The following DIABLO variants were observed in gnomAD, a reference collection of about 807,000 sequenced individuals.
DIABLO encodes the protein diablo homolog, mitochondrial.
In DIABLO, 32 loss-of-function variants were observed where a neutral mutation model predicts 31.7. The observed-to-expected ratio is 1.01, with a 90% CI of 0.76 to 1.35. The LOEUF (loss-of-function observed/expected upper bound fraction) is 1.35, where lower values mean the gene tolerates loss of function less well. Among genes scored for constraint, DIABLO ranks in the 40% most tolerant of loss-of-function variants. The pLI is 0.00. For missense variants in DIABLO, 316 were observed against 286.4 expected (o/e 1.10, Z -0.75); for synonymous variants, 132 against 103.2 (o/e 1.28, Z -1.69).
rs754662252 is a variant in DIABLO at position 122,223,306 on chromosome 12, A to G, written c.183+1206T>C. Among the ~76,000 whole-genome samples, 5 of 151,578 alleles carry G rather than the reference A, an allele frequency of 3.3e-5. 1 individual carries two copies. In the South Asian group the frequency reaches 6.2e-4, roughly 19 times the overall value. ...AAAAACTAGCTGGGTGCGGTGGCAC[A>G]CCCCTGTAATCCCAGCTACCCGGAG... On this transcript the variant is annotated intron_variant, in intron 2 of 5. Transcript: ENST00000464942.
At chr12:122,224,103 C>A (rs1954392995) in intron 2 of DIABLO, among the ~76,000 whole-genome samples, 1 of 152,168 alleles carries the variant, frequency 6.6e-6, no homozygotes, top group African/African-American at 2.4e-5. Context: ...TGTTTTCTTC[C>A]CACCATTTAT....
intron 2 of DIABLO, among the ~76,000 whole-genome samples, chr12:122,219,949 A>T (rs1425567233): frequency 1.4e-4 from 20 of 142,600 alleles, no homozygotes; most frequent in African/African-American, 3.1e-4. Context: ...CGGTTATTTT[A>T]TTTTTTTTTT....
Position 122,208,988 on chromosome 12 carries a change from T to C in DIABLO, c.524-411A>G, listed in dbSNP as rs367664623. ...TAATCTTTAAAGGTAAAGGAATGCA[T>C]AGAAAAATATTTTTTTACTATAAAT... On this transcript the variant is annotated intron_variant, in intron 5 of 5. Transcript: ENST00000464942. 3.1e-3 allele frequency: 1,043 copies of C among 333,722 alleles called. 25 individuals carry two copies. Among genetic ancestry groups the C allele is most frequent in the South Asian group, 0.025 (1,020 of 40,912 alleles). The allele number at this position is 333,722 out of a possible 1,614,324, so 20.7% of individuals were successfully genotyped here.
chr12:122,225,647 CT>C, intron 1 of DIABLO: 1 of 1,327,886 alleles, frequency 7.5e-7, no homozygotes, highest in Non-Finnish European at 9.7e-7. Flanking sequence ...CGTGTCCCTC[CT>C]CCTCTCCACG....
chr12:122,212,013 TA>T (rs66916288), intron 5 of DIABLO, among the ~76,000 whole-genome samples: 4 of 151,514 alleles, frequency 2.6e-5, no homozygotes, highest in African/African-American at 9.7e-5. Context: ...TTTTTTTTTT[TA>T]AATTACAGAT....
At chr12:122,218,523 C>A (rs1159694201) in intron 2 of DIABLO, 126 bp from the exon 3 acceptor site, 1 of 1,251,264 alleles carries the variant, frequency 8.0e-7, no homozygotes, top group African/African-American at 1.5e-5. Context: ...CACTATATTT[C>A]TTTGGGTTAT....
At chr12:122,227,439 T>C, upstream of DIABLO, 1 of 454,178 alleles carries the variant, frequency 2.2e-6, no homozygotes, top group Non-Finnish European at 4.4e-6. Context: ...GTGTGTATTC[T>C]GCGATCTCGG....
chr12:122,215,381 C>T (rs953685957), intron 5 of DIABLO, among the ~76,000 whole-genome samples: 1 of 151,354 alleles, frequency 6.6e-6, no homozygotes, highest in Non-Finnish European at 1.5e-5. Context: ...GAGTTCAAGA[C>T]CAGCCTGGCC....
chr12:122,221,819 G>C (rs1043987447), intron 2 of DIABLO: 1 of 152,056 alleles, frequency 6.6e-6, no homozygotes, highest in Non-Finnish European at 1.5e-5. Context: ...AACTGAGAAA[G>C]GACAAACCTA....
intron 5 of DIABLO, among the ~76,000 whole-genome samples, chr12:122,213,065 C>T (rs1378404842): frequency 1.3e-5 from 2 of 152,138 alleles, no homozygotes; most frequent in Non-Finnish European, 2.9e-5. Context: ...GGACTACAGG[C>T]GCCCATCACC....
At chr12:122,215,539 G>A (rs1954189474) in intron 5 of DIABLO, among the ~76,000 whole-genome samples, 2 of 152,242 alleles carry the variant, frequency 1.3e-5, no homozygotes, top group African/African-American at 2.4e-5. Flanking sequence ...AGGAGGTGGA[G>A]GTTGCAGTGA....
chr12:122,212,189 A>G (rs984510350), intron 5 of DIABLO, among the ~76,000 whole-genome samples: 11 of 152,004 alleles, frequency 7.2e-5, no homozygotes. Flanking sequence ...TCCTGCCTCA[A>G]CTGGAGCTAC....
upstream of DIABLO, chr12:122,226,359 A>C (rs1566031578): frequency 2.3e-5 from 10 of 435,358 alleles, no homozygotes; most frequent in African/African-American, 8.0e-5. Flanking sequence ...TTTCCTGGTG[A>C]GTTAGGGAGG....
At chr12:122,226,119 G>A (rs753303216), upstream of DIABLO, 2 of 1,481,924 alleles carry the variant, frequency 1.3e-6, no homozygotes, top group South Asian at 1.2e-5. Flanking sequence ...CCATAGCCAC[G>A]CCCCCACCCA....
chr12:122,224,512 C>T lies in DIABLO; in HGVS notation c.183G>A (p.Gln61=). ...GVTLCAVPIA[Q]KSEPHSLSSE... is the part of the protein sequence containing the mutation. The stretch of plus-strand genomic sequence containing the variant: ...TAAGAATCACTGCACACGACAGTAC[C>T]TGTGCAATAGGAACCGCACACAGGG... Residue 61 remains glutamine (Q), a splice_region_variant and synonymous_variant, in exon 2 of 6, where the codon CAG becomes CAA. Transcript: ENST00000464942. 1.2e-6 allele frequency: 2 copies of T among 1,613,740 alleles called. No individual in the cohort carries two copies. Among genetic ancestry groups the T allele is most frequent in the Non-Finnish European group, 1.7e-6 (2 of 1,179,948 alleles).
chr12:122,209,557 T>C, intron 5 of DIABLO: 1 of 532,664 alleles, frequency 1.9e-6, no homozygotes, highest in South Asian at 2.2e-5. Flanking sequence ...CTCAGCTACT[T>C]GGGAGCCTGA....
At chr12:122,210,028 CAG>C (rs1262473143) in intron 5 of DIABLO, among the ~76,000 whole-genome samples, 1 of 152,138 alleles carries the variant, frequency 6.6e-6, no homozygotes, top group East Asian at 1.9e-4. Flanking sequence ...TCATCTCAAA[CAG>C]TGAATTATAT....
At chr12:122,214,931 C>T (rs973746201) in intron 5 of DIABLO, among the ~76,000 whole-genome samples, 1 of 151,722 alleles carries the variant, frequency 6.6e-6, no homozygotes, top group Non-Finnish European at 1.5e-5. Context: ...CCTCAAGTGA[C>T]CCACCTCAAG....
At chr12:122,213,555 G>A (rs1954136774) in intron 5 of DIABLO, among the ~76,000 whole-genome samples, 1 of 149,950 alleles carries the variant, frequency 6.7e-6, no homozygotes, top group Non-Finnish European at 1.5e-5. Context: ...CCCTTTCTAT[G>A]AGTTCTAGGA....
Sources: gnomAD v4.1 joint callset for allele counts (sites outside exome capture counted in the v4.1 genomes callset) on GRCh38, gnomAD v4.1.1 for gene constraint, MANE v1.5 for transcripts, NCBI Gene and HGNC (gene_info 2026-07-23, HGNC 2026-07-21) for gene names.